The following HEMK2 variants were observed in gnomAD, a reference collection of about 807,000 sequenced individuals.
HEMK2 encodes the protein methyltransferase HEMK2.
the HEMK2 span, among the ~76,000 whole-genome samples, chr21:28,841,301 TATATATA>T: frequency 3.1e-4 from 4 of 12,842 alleles, no homozygotes; most frequent in South Asian, 2.1e-3. Context: ...TATTATATAT[TATATATA>T]ATATATAATA....
At chr21:28,594,996 T>C in the HEMK2 span, among the ~76,000 whole-genome samples, 1 of 152,224 alleles carries the variant, frequency 6.6e-6, no homozygotes, top group Non-Finnish European at 1.5e-5. Context: ...TTATACACAA[T>C]ATATTTTTAA....
At chr21:28,605,171 C>T in the HEMK2 span, among the ~76,000 whole-genome samples, 1 of 152,210 alleles carries the variant, frequency 6.6e-6, no homozygotes, top group Non-Finnish European at 1.5e-5. Flanking sequence ...ATTTGGGAAC[C>T]AGAAGCTTTG....
the HEMK2 span, among the ~76,000 whole-genome samples, chr21:28,717,158 T>A: frequency 1.3e-5 from 2 of 152,192 alleles, no homozygotes; most frequent in African/African-American, 4.8e-5. Context: ...TCCCTCCTCC[T>A]TGATTTTTTG....
the HEMK2 span, among the ~76,000 whole-genome samples, chr21:28,789,210 T>C: frequency 6.6e-6 from 1 of 152,184 alleles, no homozygotes; most frequent in Non-Finnish European, 1.5e-5. Context: ...ATTGGCAGTA[T>C]TTTTATCTTC....
the HEMK2 span, among the ~76,000 whole-genome samples, chr21:28,878,734 C>T: frequency 2.6e-4 from 39 of 151,722 alleles, no homozygotes; most frequent in African/African-American, 8.7e-4. Context: ...ACTATTAATA[C>T]AATGCTTAAC....
At chr21:28,588,798 A>C in the HEMK2 span, among the ~76,000 whole-genome samples, 2 of 152,010 alleles carry the variant, frequency 1.3e-5, no homozygotes, top group African/African-American at 4.8e-5. Flanking sequence ...CCTGGCTAAC[A>C]CGCTGAAACC....
At chr21:28,651,527 C>T in the HEMK2 span, among the ~76,000 whole-genome samples, 1 of 152,112 alleles carries the variant, frequency 6.6e-6, no homozygotes, top group African/African-American at 2.4e-5. Context: ...AGACCATTGT[C>T]TATGGATTTT....
the HEMK2 span, among the ~76,000 whole-genome samples, chr21:28,606,657 A>G: frequency 6.6e-6 from 1 of 152,158 alleles, no homozygotes; most frequent in African/African-American, 2.4e-5. Flanking sequence ...TCATTTATTT[A>G]TTCATTCATT....
At chr21:28,876,649 T>G in the HEMK2 span, among the ~76,000 whole-genome samples, 1 of 152,216 alleles carries the variant, frequency 6.6e-6, no homozygotes, top group Non-Finnish European at 1.5e-5. Flanking sequence ...AACTTGGTCT[T>G]CAGCTAAATG....
At chr21:28,613,056 C>T in the HEMK2 span, among the ~76,000 whole-genome samples, 6 of 151,536 alleles carry the variant, frequency 4.0e-5, no homozygotes, top group Non-Finnish European at 7.4e-5. Context: ...CATCAATTAA[C>T]AAGTGGATGA....
chr21:28,792,498 C>T, the HEMK2 span, among the ~76,000 whole-genome samples: 1 of 152,146 alleles, frequency 6.6e-6, no homozygotes, highest in Non-Finnish European at 1.5e-5. Flanking sequence ...ACTCCAAAGA[C>T]TATTCAATGG....
At chr21:28,699,654 C>G in the HEMK2 span, among the ~76,000 whole-genome samples, 1 of 152,026 alleles carries the variant, frequency 6.6e-6, no homozygotes, top group Non-Finnish European at 1.5e-5. Flanking sequence ...AATTTGTTTA[C>G]CAAGAAGATA....
At chr21:28,770,805 A>T in the HEMK2 span, among the ~76,000 whole-genome samples, 1 of 152,084 alleles carries the variant, frequency 6.6e-6, no homozygotes, top group African/African-American at 2.4e-5. Flanking sequence ...TCTTTGTTAT[A>T]AATTGCTTGG....
chr21:28,750,573 C>G, the HEMK2 span, among the ~76,000 whole-genome samples: 1 of 151,926 alleles, frequency 6.6e-6, no homozygotes, highest in African/African-American at 2.4e-5. Flanking sequence ...TGGTGATACA[C>G]ACCTGTAATC....
chr21:28,715,564 T>C, the HEMK2 span, among the ~76,000 whole-genome samples: 1 of 152,058 alleles, frequency 6.6e-6, no homozygotes, highest in Admixed American at 6.6e-5. Context: ...GCATAGTCTA[T>C]GAATATTTTC....
the HEMK2 span, among the ~76,000 whole-genome samples, chr21:28,775,927 T>C: frequency 0.1 from 15,634 of 151,858 alleles, 1,272 homozygotes; most frequent in East Asian, 0.22. Context: ...TAAAATGCCA[T>C]TGGAAAGGAT....
At chr21:28,884,223 C>T in the HEMK2 span, among the ~76,000 whole-genome samples, 16 of 152,198 alleles carry the variant, frequency 1.1e-4, no homozygotes, top group African/African-American at 3.9e-4. Flanking sequence ...GCTTGTAAAT[C>T]TTTCTGGGCT....
At chr21:28,801,983 A>G in the HEMK2 span, among the ~76,000 whole-genome samples, 2 of 152,226 alleles carry the variant, frequency 1.3e-5, no homozygotes, top group Non-Finnish European at 2.9e-5. Flanking sequence ...TATTGAAATT[A>G]CATATATATA....
chr21:28,723,086 T>G, the HEMK2 span, among the ~76,000 whole-genome samples: 1 of 152,016 alleles, frequency 6.6e-6, no homozygotes, highest in African/African-American at 2.4e-5. Context: ...CATAGCTCAC[T>G]GCAGCCTCCA....
Sources: gnomAD v4.1 joint callset for allele counts (sites outside exome capture counted in the v4.1 genomes callset) on GRCh38, gnomAD v4.1.1 for gene constraint, MANE v1.5 for transcripts, NCBI Gene and HGNC (gene_info 2026-07-23, HGNC 2026-07-21) for gene names.